PRKD3: variants seen among roughly 807,000 people sequenced by gnomAD.
PRKD3 encodes the protein serine/threonine-protein kinase D3.
A neutral mutation model predicts 99.2 loss-of-function variants in PRKD3; 47 were observed. The observed-to-expected ratio is 0.47, with a 90% CI of 0.38 to 0.60. PRKD3 has a LOEUF of 0.60. Ranked by LOEUF, PRKD3 falls within the 20% of genes least tolerant of loss-of-function variation. PRKD3 has a pLI of 0.00. For synonymous variants in PRKD3, 392 were observed against 355.4 expected (o/e 1.10, Z -1.16); for missense variants, 1,019 against 1,088.4 (o/e 0.94, Z 0.90).
At chr2:37,316,098 A>G in intron 2 of PRKD3, 139 bp downstream of exon 2, 2 of 850,180 alleles carry the variant, frequency 2.4e-6, no homozygotes, top group South Asian at 1.7e-5. Flanking sequence ...TTAGCCTCAG[A>G]GGTCATTAGA....
intron 2 of PRKD3, among the ~76,000 whole-genome samples, chr2:37,311,627 C>T (rs533611525): frequency 6.6e-6 from 1 of 152,236 alleles, no homozygotes; most frequent in East Asian, 1.9e-4. Context: ...AGCTGCAGAC[C>T]TCTCTGAAAT....
intron 2 of PRKD3, among the ~76,000 whole-genome samples, chr2:37,295,439 T>TA (rs1289019606): frequency 6.6e-6 from 1 of 152,028 alleles, no homozygotes; most frequent in East Asian, 1.9e-4. Context: ...AGTTACAAGG[T>TA]AAATGGAAGA....
chr2:37,260,587 G>A (rs1668355682), intron 14 of PRKD3, among the ~76,000 whole-genome samples: 2 of 152,164 alleles, frequency 1.3e-5, no homozygotes, highest in South Asian at 2.1e-4. Context: ...GCCGCACTGA[G>A]GGGATAGAAT....
intron 17 of PRKD3, 21 bp downstream of exon 17, chr2:37,256,641 T>C: frequency 7.2e-7 from 1 of 1,384,106 alleles, no homozygotes; most frequent in East Asian, 2.6e-5. Flanking sequence ...TTTTTTTTTT[T>C]TTTTTTTTTT....
intron 1 of PRKD3, among the ~76,000 whole-genome samples, chr2:37,320,006 A>T (rs1671812589): frequency 6.6e-6 from 1 of 152,220 alleles, no homozygotes; most frequent in Non-Finnish European, 1.5e-5. Context: ...GGCTAACAGT[A>T]AGTGCTCAGT....
chr2:37,256,177 T>C (rs994958248), intron 17 of PRKD3, among the ~76,000 whole-genome samples: 1 of 152,060 alleles, frequency 6.6e-6, no homozygotes, highest in African/African-American at 2.4e-5. Context: ...CCCAAGCAAA[T>C]TGCAGAAAAC....
intron 2 of PRKD3, among the ~76,000 whole-genome samples, chr2:37,309,845 T>C (rs1329846270): frequency 9.5e-5 from 5 of 52,776 alleles, no homozygotes; most frequent in Non-Finnish European, 1.7e-4. Flanking sequence ...AGACTCCGTC[T>C]CAAAAAAAAA....
Position 37,275,837 on chromosome 2 carries a change from CTCTT to C in PRKD3, c.1300_1303del (p.Lys434GlyfsTer11). 6.2e-7 allele frequency: 1 copy of C among 1,604,586 alleles called. No homozygotes were observed. The highest frequency in any genetic ancestry group is 8.5e-7 in the Non-Finnish European group (1 of 1,175,704). ...TTTGCTGTCAAGTCTCCAATAATGC[CTCTT>C]TCTCTATAAAATGAAGATTGGAAAA... On this transcript the variant is annotated frameshift_variant, in exon 10 of 19. Transcript: ENST00000234179. LOFTEE classifies it high-confidence loss of function.
chr2:37,291,146 T>G (rs1670403417), intron 3 of PRKD3, 147 bp from the exon 4 acceptor site: 1 of 719,890 alleles, frequency 1.4e-6, no homozygotes, highest in Non-Finnish European at 2.0e-6. Flanking sequence ...TATTTAATAT[T>G]GTGATTTCAA....
intron 2 of PRKD3, among the ~76,000 whole-genome samples, chr2:37,297,637 T>C (rs1381169437): frequency 6.6e-6 from 1 of 152,224 alleles, no homozygotes; most frequent in African/African-American, 2.4e-5. Context: ...TTTCTCAGAC[T>C]TTGCTGGATT....
At chr2:37,255,122 A>G (rs1667829079) in intron 17 of PRKD3, among the ~76,000 whole-genome samples, 1 of 152,238 alleles carries the variant, frequency 6.6e-6, no homozygotes, top group Non-Finnish European at 1.5e-5. Flanking sequence ...GAAGAGGTCT[A>G]CAGAACACAC....
rs1023715515 is a variant in PRKD3 at position 37,253,012 on chromosome 2, G to A, written c.*165C>T. On this transcript the variant is annotated 3_prime_UTR_variant, in exon 19 of 19. Transcript: ENST00000234179. Reference sequence around the variant, plus strand: ...ATGACTTCTTATTATTCAGTTTCCCGCCTGTACCTACTCATTATGAACTAC... The same window carrying A: ...ATGACTTCTTATTATTCAGTTTCCCACCTGTACCTACTCATTATGAACTAC... 1.9e-5 allele frequency: 11 copies of A among 579,294 alleles called. No individual in the cohort carries two copies. The highest frequency in any genetic ancestry group is 2.4e-5 in the Non-Finnish European group (9 of 375,132). 35.9% of individuals were successfully genotyped at this position (579,294 alleles called of 1,614,324 possible).
intron 3 of PRKD3, 144 bp from the exon 4 acceptor site, chr2:37,291,143 T>A: frequency 1.4e-6 from 1 of 724,092 alleles, no homozygotes; most frequent in Non-Finnish European, 2.0e-6. Context: ...AATTATTTAA[T>A]ATTGTGATTT....
chr2:37,276,008 A>G (rs770552511), intron 9 of PRKD3, among the ~76,000 whole-genome samples, 164 bp from the exon 10 acceptor site: 4 of 152,124 alleles, frequency 2.6e-5, no homozygotes, highest in Admixed American at 6.6e-5. Context: ...GTATGGTGAA[A>G]AGTATCACTT....
chr2:37,283,812 C>A (rs1194024187), intron 6 of PRKD3, among the ~76,000 whole-genome samples: 1 of 151,644 alleles, frequency 6.6e-6, no homozygotes, highest in East Asian at 1.9e-4. Flanking sequence ...CGTGGCAAAA[C>A]CCTGTCTCTA....
intron 1 of PRKD3, among the ~76,000 whole-genome samples, chr2:37,323,951 T>C (rs1307522726): frequency 1.3e-5 from 2 of 152,112 alleles, no homozygotes; most frequent in Non-Finnish European, 2.9e-5. Flanking sequence ...TTGAATCGTA[T>C]GTGTGCCTGC....
At chr2:37,318,843 T>C (rs955568390) in intron 1 of PRKD3, among the ~76,000 whole-genome samples, 3 of 152,156 alleles carry the variant, frequency 2.0e-5, no homozygotes, top group Non-Finnish European at 4.4e-5. Flanking sequence ...GCCTGGAGAT[T>C]TGTAGAGCGG....
chr2:37,255,361 G>T (rs1337014553), intron 17 of PRKD3, among the ~76,000 whole-genome samples: 1 of 152,194 alleles, frequency 6.6e-6, no homozygotes, highest in Non-Finnish European at 1.5e-5. Context: ...CCAGATGGGG[G>T]TATTCCCCAG....
chr2:37,323,446 C>G (rs1005561097), intron 1 of PRKD3, among the ~76,000 whole-genome samples: 3 of 151,998 alleles, frequency 2.0e-5, no homozygotes, highest in Admixed American at 2.0e-4. Context: ...TCCACGGTTT[C>G]TGTGTGACAC....
Sources: allele counts gnomAD v4.1 joint callset (sites outside exome capture counted in the v4.1 genomes callset), GRCh38; gene constraint gnomAD v4.1.1; transcripts MANE v1.5; gene names NCBI Gene and HGNC (gene_info 2026-07-23, HGNC 2026-07-21).